Variants in NBPF15 observed in about 807,000 individuals in gnomAD.
NBPF15 encodes the protein NBPF family member NBPF15.
In NBPF15, 74 loss-of-function variants were observed where a neutral mutation model predicts 62.2. The ratio of observed to expected loss-of-function variants is 1.19; its 90% confidence interval spans 0.99 to 1.44. The LOEUF is 1.44. NBPF15 is among the 40% of genes most tolerant of loss of function. The pLI is 0.00. For synonymous variants in NBPF15, 244 were observed against 209.7 expected, an observed-to-expected ratio of 1.16 and a Z score of -1.41; for missense variants, 790 against 550.0, an observed-to-expected ratio of 1.44 and a Z score of -4.36.
rs587680292 is a variant in NBPF15 at position 144,448,399 on chromosome 1, A to T, written c.-191+376T>A. The stretch of plus-strand genomic sequence containing the variant: ...CTCTTGGGTTGCTGCACTCACAACC[A>T]CTGAACCAATTCTATGACTATCTGT... On this transcript the variant is annotated intron_variant, in intron 6 of 21. Coordinates refer to ENST00000581897, the MANE Select transcript of NBPF15 (RefSeq NM_001385408.1). Among the ~76,000 whole-genome samples the T allele has an allele frequency of 4.4e-3, 675 of 152,154 alleles. 10 individuals carry two copies. The highest frequency in any genetic ancestry group is 4.3e-3 in the Non-Finnish European group (290 of 67,986).
chr1:144,460,015 C>T (rs1651403742), intron 2 of NBPF15, among the ~76,000 whole-genome samples: 1 of 104,740 alleles, frequency 9.5e-6, no homozygotes, highest in Non-Finnish European at 1.9e-5. Context: ...GGTAAAAATT[C>T]ATTACCTGTA....
Position 144,437,172 on chromosome 1 carries a change from G to A in NBPF15, c.279-63C>T, listed in dbSNP as rs1244577822. On this transcript the variant is annotated intron_variant, in intron 9 of 21. Transcript: ENST00000581897. ...GGGTTGAGTGATCCGCTCAAATATT[G>A]CAACAGAGATTTCTGAGACAATGTC... is the stretch of plus-strand genomic sequence containing the variant. 1,988 of 1,416,186 alleles carry A rather than the reference G, an allele frequency of 1.4e-3. 13 individuals are homozygous for A. The African/African-American group carries it at 0.025, about 18-fold the overall frequency. 87.7% of individuals were successfully genotyped at this position (1,416,186 alleles called of 1,614,324 possible). A position where few individuals can be genotyped will look rare whatever the true frequency, so the allele number is the denominator to read the frequency against.
intron 20 of NBPF15, among the ~76,000 whole-genome samples, 176 bp downstream of exon 20, chr1:144,424,514 C>A (rs1367300791): frequency 6.6e-6 from 1 of 151,994 alleles, no homozygotes; most frequent in African/African-American, 2.4e-5. Context: ...CTCACTGACC[C>A]ATCCCTTGTC....
chr1:144,453,388 T>C (rs1248046472), intron 4 of NBPF15, among the ~76,000 whole-genome samples: 1 of 151,734 alleles, frequency 6.6e-6, no homozygotes, highest in Non-Finnish European at 1.5e-5. Flanking sequence ...GGAGATAACA[T>C]AGGAGAAAAT....
chr1:144,423,804 T>C (rs1435301593), intron 21 of NBPF15, 66 bp downstream of exon 21: 1 of 740,634 alleles, frequency 1.4e-6, no homozygotes. Context: ...CACACTCTGG[T>C]TTCCCTGAAT....
chr1:144,423,208 G>C lies in NBPF15; in HGVS notation c.1818C>G (p.Asp606Glu). 1 of 1,611,582 alleles carries C rather than the reference G, an allele frequency of 6.2e-7. No individual in the cohort carries two copies. The highest frequency in any genetic ancestry group is 8.5e-7 in the Non-Finnish European group (1 of 1,179,606). The change falls in exon 22 of 22, where the codon GAC becomes GAG. Residue 606 changes from aspartate to glutamate, a missense_variant. Asp to Glu is a conservative substitution (Grantham distance 45, BLOSUM62 2). Coordinates refer to ENST00000581897, the MANE Select transcript of NBPF15 (RefSeq NM_001385408.1). ...MEVEEPEVLQDSLDRCYSTPS... is the reference protein window; with the variant it reads ...MEVEEPEVLQESLDRCYSTPS... Reference sequence around the variant, plus strand: ...GAGTCGAATAACATCTATCCAGTGAGTCCTGTAAGACTTCAGGCTCTTCCA... The same window carrying C: ...GAGTCGAATAACATCTATCCAGTGACTCCTGTAAGACTTCAGGCTCTTCCA...
In NBPF15 at chr1:144,450,755, A is replaced by G. The variant is rs6661638; in HGVS notation, c.-333+17T>C. Reference sequence around the variant, plus strand: ...AACCAATCAATGAAAGAACTACAGTAAAAATATTGCCCTCACCTTTATGTG... The same window carrying G: ...AACCAATCAATGAAAGAACTACAGTGAAAATATTGCCCTCACCTTTATGTG... On this transcript the variant is annotated intron_variant, in intron 5 of 21. Transcript: ENST00000581897. 1.9e-3 allele frequency: 1,202 copies of G among 638,690 alleles called. 13 individuals are homozygous for G. In the African/African-American group the frequency reaches 0.023, roughly 12 times the overall value. 39.6% of individuals were successfully genotyped at this position (638,690 alleles called of 1,614,324 possible).
chr1:144,435,175 G>T lies in NBPF15; in HGVS notation c.708C>A (p.Val236=). Residue 236 remains valine (V), a synonymous_variant, in exon 12 of 22, where the codon GTC becomes GTA. Transcript: ENST00000581897. Reference sequence around the variant, plus strand: ...AGGATGAGCCAATGAGAGTTGAGTCGACTTTGTCTTCCTCAAATGTGATTT... The same window carrying T: ...AGGATGAGCCAATGAGAGTTGAGTCTACTTTGTCTTCCTCAAATGTGATTT... ...KTKITFEEDK[V]DSTLIGSSSH... 1.2e-6 allele frequency: 2 copies of T among 1,612,984 alleles called. No homozygotes were observed. The highest frequency in any genetic ancestry group is 2.2e-5 in the South Asian group (2 of 91,012).
intron 14 of NBPF15, 26 bp downstream of exon 14, chr1:144,429,674 T>C: frequency 1.7e-6 from 1 of 595,862 alleles, no homozygotes; most frequent in Non-Finnish European, 2.9e-6. Flanking sequence ...ACTGGAGCTT[T>C]ATCACCTTCA....
intron 8 of NBPF15, 25 bp downstream of exon 8, chr1:144,439,804 A>C: frequency 1.3e-6 from 2 of 1,568,060 alleles, no homozygotes; most frequent in Non-Finnish European, 8.7e-7. Flanking sequence ...CATCACTTTC[A>C]TGACGGTGAG....
At chr1:144,450,202 A>T (rs587594693) in intron 5 of NBPF15, among the ~76,000 whole-genome samples, 1 of 125,846 alleles carries the variant, frequency 7.9e-6, no homozygotes, top group South Asian at 3.1e-4. Flanking sequence ...TATGCCAGTT[A>T]TATGACTTTA....
Position 144,427,882 on chromosome 1 carries a change from C to G in NBPF15, c.1149G>C (p.Gln383His). Residue 383 changes from glutamine to histidine, a missense_variant, in exon 16 of 22, where the codon CAG becomes CAC. By Grantham distance (24) the Gln-to-His change is conservative (BLOSUM62 0). Transcript: ENST00000581897. ...ATACGTAAAAGGCACTTCTGTAGGGCTGGCATGAGTCAGTCAGTTCAAGAC... is the reference window on the plus strand; with the variant it reads ...ATACGTAAAAGGCACTTCTGTAGGGGTGGCATGAGTCAGTCAGTTCAAGAC... ...SGCLELTDSC[Q>H]PYRSAFYVLE... 1.5e-6 allele frequency: 1 copy of G among 646,744 alleles called. No homozygotes were observed. Among genetic ancestry groups the G allele is most frequent in the Middle Eastern group, 4.2e-4 (1 of 2,376 alleles). The allele number at this position is 646,744 out of a possible 1,614,324, so 40.1% of individuals were successfully genotyped here.
chr1:144,448,356 G>T (rs1161311292), intron 6 of NBPF15, among the ~76,000 whole-genome samples: 5 of 151,968 alleles, frequency 3.3e-5, no homozygotes, highest in African/African-American at 1.2e-4. Flanking sequence ...CATTCCTGGT[G>T]GTATTTCAGA....
chr1:144,432,100 G>T (rs1222686311), intron 13 of NBPF15, among the ~76,000 whole-genome samples: 1 of 152,050 alleles, frequency 6.6e-6, no homozygotes, highest in Admixed American at 6.6e-5. Flanking sequence ...CTAGTTTACA[G>T]TCCCACCAAC....
At chr1:144,432,185 C>A (rs1361657140) in intron 13 of NBPF15, among the ~76,000 whole-genome samples, 3 of 151,996 alleles carry the variant, frequency 2.0e-5, no homozygotes, top group Admixed American at 6.6e-5. Context: ...ATTTTCAACC[C>A]AGAATTTCAT....
chr1:144,452,011 G>T (rs1160016834), intron 4 of NBPF15, among the ~76,000 whole-genome samples: 2 of 151,506 alleles, frequency 1.3e-5, no homozygotes, highest in African/African-American at 4.9e-5. Flanking sequence ...CATTAGCCAG[G>T]TGTGGTAGCA....
At chr1:144,445,111 T>C (rs1553543645) in intron 6 of NBPF15, among the ~76,000 whole-genome samples, 1 of 151,452 alleles carries the variant, frequency 6.6e-6, no homozygotes, top group Non-Finnish European at 1.5e-5. Flanking sequence ...CCCTGATGAC[T>C]AAACAGTGGA....
At position 144,425,577 on chromosome 1, in the gene NBPF15, C is replaced by T; in HGVS notation, c.1439-9G>A. On this transcript the variant is annotated splice_polypyrimidine_tract_variant and intron_variant, in intron 18 of 21. Transcript: ENST00000581897. ...TTGGTCCTTTTTAATTCCTGCAATA[C>T]ATTCAGACAGGGACAGACAAAATAA... The T allele has an allele frequency of 1.8e-6, 1 of 570,862 alleles. No homozygotes were observed. The highest frequency in any genetic ancestry group is 3.1e-6 in the Non-Finnish European group (1 of 324,888). The allele number at this position is 570,862 out of a possible 1,614,324, so 35.4% of individuals were successfully genotyped here.
At chr1:144,440,756 T>G (rs1682278939) in intron 6 of NBPF15, among the ~76,000 whole-genome samples, 1 of 149,320 alleles carries the variant, frequency 6.7e-6, no homozygotes, top group Non-Finnish European at 1.5e-5. Context: ...AGGTTCACGC[T>G]ATTCTCCTGC....
Sources: gnomAD v4.1 joint callset for allele counts (sites outside exome capture counted in the v4.1 genomes callset) on GRCh38, gnomAD v4.1.1 for gene constraint, MANE v1.5 for transcripts, NCBI Gene and HGNC (gene_info 2026-07-23, HGNC 2026-07-21) for gene names.